Variants in BCAS3 observed in about 807,000 individuals in gnomAD.
The protein encoded by BCAS3 is BCAS4/BCAS3 fusion.
A neutral mutation model predicts 116.1 loss-of-function variants in BCAS3; 53 were observed. That is an observed-to-expected ratio of 0.46 (90% confidence interval 0.37 to 0.57). The LOEUF (loss-of-function observed/expected upper bound fraction) is 0.57, where lower values mean the gene tolerates loss of function less well. Among genes scored for constraint, BCAS3 ranks in the 20% least tolerant of loss-of-function variants. The pLI is 0.00. For synonymous variants in BCAS3, 391 were observed against 408.2 expected (o/e 0.96, Z 0.51); for missense variants, 917 against 1,165.4 (o/e 0.79, Z 3.10).
intron 7 of BCAS3, among the ~76,000 whole-genome samples, chr17:60,853,829 A>G (rs2053403871): frequency 6.6e-6 from 1 of 152,146 alleles, no homozygotes; most frequent in Non-Finnish European, 1.5e-5. Flanking sequence ...ATGTTGTAGC[A>G]TGTATAAACA....
At chr17:60,758,643 A>C (rs1382314735) in intron 6 of BCAS3, among the ~76,000 whole-genome samples, 2 of 152,074 alleles carry the variant, frequency 1.3e-5, no homozygotes, top group African/African-American at 4.8e-5. Context: ...TGGCTTCCCA[A>C]AGTGCTGGGG....
chr17:61,044,911 G>A (rs1355344225), intron 19 of BCAS3, among the ~76,000 whole-genome samples: 2 of 151,328 alleles, frequency 1.3e-5, no homozygotes, highest in Admixed American at 1.3e-4. Context: ...ACAGGCACAC[G>A]CCACCACACC....
chr17:60,707,643 A>G (rs1332374674), intron 4 of BCAS3, among the ~76,000 whole-genome samples: 2 of 152,206 alleles, frequency 1.3e-5, no homozygotes, highest in Non-Finnish European at 2.9e-5. Context: ...TACCATAAAT[A>G]TGGTGTTAGC....
chr17:60,933,685 A>G (rs1364621783), intron 13 of BCAS3, among the ~76,000 whole-genome samples: 2 of 152,224 alleles, frequency 1.3e-5, no homozygotes, highest in African/African-American at 2.4e-5. Context: ...GCAAGTGGTT[A>G]GAGAAATACC....
rs557840451 is a variant in BCAS3 at position 61,324,602 on chromosome 17, G to A, written c.2426-43725G>A. On this transcript the variant is annotated intron_variant, in intron 22 of 23. Coordinates refer to ENST00000407086, the MANE Select transcript of BCAS3 (RefSeq NM_017679.5). This position sits in a 1 kb window ranked among gnomAD's most constrained non-coding sequence, Gnocchi z 4.6. ...AGCACTGAATGACAGTAAAGTAAGG[G>A]CTGGGCCTGGGGTCAGCAGCCTGGC... is the stretch of plus-strand genomic sequence containing the variant. Among the ~76,000 whole-genome samples the A allele has an allele frequency of 3.7e-4, 57 of 152,282 alleles. No individual in the cohort carries two copies. Among genetic ancestry groups the A allele is most frequent in the Admixed American group, 8.5e-4 (13 of 15,286 alleles).
rs1164180390 is a variant in BCAS3 at position 61,364,457 on chromosome 17, T to C, written c.2426-3870T>C. On this transcript the variant is annotated intron_variant, in intron 22 of 23. Coordinates refer to ENST00000407086, the MANE Select transcript of BCAS3 (RefSeq NM_017679.5). The surrounding 1 kb of genome is among the most constrained non-coding windows in gnomAD (Gnocchi z 5.4). The stretch of plus-strand genomic sequence containing the variant: ...TTGGCCAGGCGCAGTGGCTCATGCC[T>C]GTAATTCCAGCACTTTGGGAGGCGA... Among the ~76,000 whole-genome samples, 2 of 152,252 alleles carry C rather than the reference T, an allele frequency of 1.3e-5. No homozygotes were observed. Among genetic ancestry groups the C allele is most frequent in the Non-Finnish European group, 1.5e-5 (1 of 68,050 alleles).
chr17:60,690,032 TAAAA>T (rs1598061317), intron 4 of BCAS3, among the ~76,000 whole-genome samples: 1 of 152,022 alleles, frequency 6.6e-6, no homozygotes, highest in East Asian at 1.9e-4. Context: ...ATGGTTTTCT[TAAAA>T]AAGGAGTTAT....
chr17:60,983,619 G>A (rs17594777), intron 14 of BCAS3, among the ~76,000 whole-genome samples: 1,646 of 152,210 alleles, frequency 0.011, 21 homozygotes, highest in Admixed American at 0.019. Context: ...CCTTGATACT[G>A]TTACTAACAC....
intron 5 of BCAS3, among the ~76,000 whole-genome samples, chr17:60,729,277 A>G (rs761407135): frequency 2.0e-5 from 3 of 148,490 alleles, no homozygotes; most frequent in Non-Finnish European, 4.5e-5. Context: ...CCTATAATGA[A>G]TAAAGTGTCT....
At chr17:60,834,150 A>G (rs550799266) in intron 7 of BCAS3, among the ~76,000 whole-genome samples, 4 of 152,210 alleles carry the variant, frequency 2.6e-5, no homozygotes, top group African/African-American at 9.6e-5. Flanking sequence ...CTAGTTTTCA[A>G]ACAAAACATT....
intron 7 of BCAS3, among the ~76,000 whole-genome samples, chr17:60,819,281 A>G (rs2049720245): frequency 6.6e-6 from 1 of 152,186 alleles, no homozygotes; most frequent in Admixed American, 6.5e-5. Flanking sequence ...CAATTTTAAA[A>G]CACATGCTGA....
At chr17:60,930,139 A>G (rs1486657066) in intron 13 of BCAS3, among the ~76,000 whole-genome samples, 3 of 152,200 alleles carry the variant, frequency 2.0e-5, no homozygotes, top group East Asian at 1.9e-4. Flanking sequence ...AGATCCTCCA[A>G]TGACATACTC....
intron 13 of BCAS3, among the ~76,000 whole-genome samples, chr17:60,943,822 C>T (rs1445504679): frequency 6.6e-6 from 1 of 151,958 alleles, no homozygotes; most frequent in Non-Finnish European, 1.5e-5. Flanking sequence ...ATTATACTGG[C>T]AATAATATCT....
At chr17:60,734,104 T>C (rs1363364496) in intron 5 of BCAS3, among the ~76,000 whole-genome samples, 1 of 152,132 alleles carries the variant, frequency 6.6e-6, no homozygotes, top group Non-Finnish European at 1.5e-5. Context: ...TTTTCTCCTG[T>C]TATTTATTTA....
intron 5 of BCAS3, among the ~76,000 whole-genome samples, chr17:60,744,133 A>G (rs966268722): frequency 6.6e-6 from 1 of 152,102 alleles, no homozygotes; most frequent in African/African-American, 2.4e-5. Flanking sequence ...TCTTCTCCCC[A>G]AGTTACCACA....
At chr17:61,254,768 T>A in intron 22 of BCAS3, among the ~76,000 whole-genome samples, 1 of 236 alleles carries the variant, frequency 4.2e-3, no homozygotes. Flanking sequence ...AGAGTGAGAC[T>A]CCGTCTCAGA....
intron 22 of BCAS3, among the ~76,000 whole-genome samples, chr17:61,234,893 T>TTATG: frequency 6.6e-6 from 1 of 151,866 alleles, no homozygotes; most frequent in East Asian, 1.9e-4. Context: ...ATTTACTTAT[T>TTATG]TATTTATTTA....
intron 19 of BCAS3, among the ~76,000 whole-genome samples, chr17:61,059,742 CT>C (rs1398136911): frequency 1.2e-4 from 19 of 152,100 alleles, no homozygotes; most frequent in Non-Finnish European, 2.1e-4. Flanking sequence ...AGAAATTTTA[CT>C]GGCTGGGCAC....
At chr17:60,800,013 T>C (rs2047627726) in intron 6 of BCAS3, among the ~76,000 whole-genome samples, 1 of 152,194 alleles carries the variant, frequency 6.6e-6, no homozygotes, top group Non-Finnish European at 1.5e-5. Flanking sequence ...TGATTTTGAC[T>C]CTTACATCTA....
Sources: allele counts gnomAD v4.1 joint callset (sites outside exome capture counted in the v4.1 genomes callset), GRCh38; gene constraint gnomAD v4.1.1; non-coding constraint Gnocchi (gnomAD v3.1); transcripts MANE v1.5; gene names NCBI Gene and HGNC (gene_info 2026-07-23, HGNC 2026-07-21).